The following PCDH15 variants were observed in gnomAD, a reference collection of about 807,000 sequenced individuals.
PCDH15 encodes protocadherin related 15, also known as protocadherin-15.
A neutral mutation model predicts 178.5 loss-of-function variants in PCDH15; 129 were observed. That is an observed-to-expected ratio of 0.72 (90% confidence interval 0.63 to 0.84). PCDH15 has a LOEUF of 0.84. Ranked by LOEUF, PCDH15 falls within the 40% of genes least tolerant of loss-of-function variation. PCDH15 has a pLI of 0.00. For synonymous variants in PCDH15, 800 were observed against 732.0 expected (o/e 1.09, Z -1.50); for missense variants, 2,230 against 2,099.9 (o/e 1.06, Z -1.21).
chr10:55,590,600 A>G (rs558119413), intron 2 of PCDH15, among the ~76,000 whole-genome samples: 1 of 152,284 alleles, frequency 6.6e-6, no homozygotes, highest in South Asian at 2.1e-4. Flanking sequence ...AAACAGATGG[A>G]TGCTGATTGC....
chr10:54,804,938 T>TA (rs1554800512), upstream of PCDH15, among the ~76,000 whole-genome samples: 1 of 126,424 alleles, frequency 7.9e-6, no homozygotes, highest in Non-Finnish European at 1.7e-5. Context: ...TATATATATA[T>TA]ATATATATAT....
intron 21 of PCDH15, among the ~76,000 whole-genome samples, chr10:53,975,772 A>C (rs1046756304): frequency 9.9e-5 from 15 of 152,122 alleles, no homozygotes; most frequent in Non-Finnish European, 1.2e-4. Context: ...TCTTTAGTTT[A>C]ATTAGTTCCC....
At chr10:54,495,996 A>G (rs1310797281) in intron 3 of PCDH15, among the ~76,000 whole-genome samples, 1 of 152,194 alleles carries the variant, frequency 6.6e-6, no homozygotes, top group Admixed American at 6.6e-5. Flanking sequence ...CTGGACTTCA[A>G]GTAAAACATG....
At chr10:54,780,169 G>A (rs1446153026) in intron 1 of PCDH15, among the ~76,000 whole-genome samples, 1 of 152,122 alleles carries the variant, frequency 6.6e-6, no homozygotes, top group African/African-American at 2.4e-5. Context: ...CCACACATAA[G>A]TTCTAGGGAA....
chr10:55,012,775 G>A (rs780878721), intron 2 of PCDH15, among the ~76,000 whole-genome samples: 2 of 151,840 alleles, frequency 1.3e-5, no homozygotes, highest in Admixed American at 6.6e-5. Context: ...ACATATGTCA[G>A]GACAGTGCAA....
At chr10:54,719,641 T>A (rs1292318087) in intron 1 of PCDH15, among the ~76,000 whole-genome samples, 2 of 151,808 alleles carry the variant, frequency 1.3e-5, no homozygotes, top group Non-Finnish European at 2.9e-5. Context: ...AAGCCCCACA[T>A]GCATTAGCTA....
chr10:54,123,083 G>GA, intron 15 of PCDH15, among the ~76,000 whole-genome samples: 1 of 152,048 alleles, frequency 6.6e-6, no homozygotes, highest in East Asian at 1.9e-4. Flanking sequence ...GAAAACCTAG[G>GA]AAACACTATT....
intron 32 of PCDH15, chr10:53,823,728 A>AACTTCTTATCTTT: frequency 2.2e-6 from 1 of 462,998 alleles, no homozygotes; most frequent in African/African-American, 2.0e-5. Flanking sequence ...GCAGAACACC[A>AACTTCTTATCTTT]TCCTTGCCTG....
chr10:54,462,126 G>T (rs2077200883), intron 3 of PCDH15, among the ~76,000 whole-genome samples: 1 of 152,018 alleles, frequency 6.6e-6, no homozygotes, highest in Non-Finnish European at 1.5e-5. Flanking sequence ...CCATCTCAAA[G>T]AAAATGTAGC....
intron 2 of PCDH15, among the ~76,000 whole-genome samples, chr10:54,934,987 A>T (rs77989780): frequency 6.6e-6 from 1 of 151,628 alleles, no homozygotes; most frequent in African/African-American, 2.4e-5. Flanking sequence ...GGACAAAAAA[A>T]CCAAACACCG....
chr10:54,151,940 G>A (rs2044578959), intron 14 of PCDH15, among the ~76,000 whole-genome samples: 1 of 152,108 alleles, frequency 6.6e-6, no homozygotes, highest in African/African-American at 2.4e-5. Context: ...TTAAAATTGT[G>A]TGGTAATAGG....
intron 26 of PCDH15, among the ~76,000 whole-genome samples, chr10:53,888,703 A>ATATATC (rs2081351421): frequency 4.7e-5 from 1 of 21,082 alleles, no homozygotes; most frequent in African/African-American, 9.0e-5. Context: ...ATATATATAT[A>ATATATC]TCTCCTGTGG....
intron 3 of PCDH15, among the ~76,000 whole-genome samples, chr10:54,846,334 G>A (rs1832882694): frequency 1.3e-5 from 2 of 152,142 alleles, no homozygotes; most frequent in African/African-American, 4.8e-5. Context: ...AAACACCCAT[G>A]TGTGTGGCCA....
chr10:54,500,559 G>A (rs781561704), intron 3 of PCDH15, among the ~76,000 whole-genome samples: 18 of 152,122 alleles, frequency 1.2e-4, no homozygotes, highest in South Asian at 2.1e-4. Flanking sequence ...GTCAGGCCCG[G>A]TGGTTCACAG....
At chr10:55,308,689 T>C (rs935168981) in intron 1 of PCDH15, among the ~76,000 whole-genome samples, 4 of 152,196 alleles carry the variant, frequency 2.6e-5, no homozygotes, top group African/African-American at 9.6e-5. Flanking sequence ...AAATCACCTG[T>C]TCCTACTTAC....
intron 1 of PCDH15, among the ~76,000 whole-genome samples, chr10:55,222,771 A>ATATATATAT: frequency 9.3e-6 from 1 of 107,934 alleles, no homozygotes; most frequent in Non-Finnish European, 2.0e-5. Flanking sequence ...ATATATATGT[A>ATATATATAT]GTTCCTCTCT....
intron 2 of PCDH15, among the ~76,000 whole-genome samples, chr10:55,468,803 GA>G (rs1839895179): frequency 6.6e-6 from 1 of 152,042 alleles, no homozygotes; most frequent in African/African-American, 2.4e-5. Context: ...TCAAATTTAA[GA>G]AAAACATTCT....
intron 2 of PCDH15, among the ~76,000 whole-genome samples, chr10:54,964,242 A>G (rs1838726071): frequency 6.6e-6 from 1 of 152,242 alleles, no homozygotes; most frequent in Admixed American, 6.5e-5. Flanking sequence ...TTTATTCAAA[A>G]GAAACCATAA....
chr10:54,132,937 G>A lies in PCDH15; in HGVS notation c.1855C>T (p.Leu619=), dbSNP rs779781651. Residue 619 remains leucine, a synonymous_variant, in exon 15 of 38, where the codon CTG becomes TTG. Coordinates refer to ENST00000644397, the MANE Select transcript of PCDH15 (RefSeq NM_001384140.1). ...NNQSPPRFPQ[L]MYSLEISEAM... ...TCACTAATTTCAAGGCTATACATCA[G>A]CTGTGGGAAGCGAGGAGGGCTTTGA... 2.5e-6 allele frequency: 4 copies of A among 1,613,894 alleles called. No homozygotes were observed. Among genetic ancestry groups the A allele is most frequent in the Non-Finnish European group, 3.4e-6 (4 of 1,180,006 alleles).
Sources: gnomAD v4.1 joint callset for allele counts (sites outside exome capture counted in the v4.1 genomes callset) on GRCh38, gnomAD v4.1.1 for gene constraint, MANE v1.5 for transcripts, NCBI Gene and HGNC (gene_info 2026-07-23, HGNC 2026-07-21) for gene names.